The following IL1RAPL1 variants were observed in gnomAD, a reference collection of about 807,000 sequenced individuals.
The protein encoded by IL1RAPL1 is interleukin 1 receptor accessory protein like 1.
Under a neutral mutation model 48.4 loss-of-function variants are expected in IL1RAPL1, and 3 were observed. The ratio of observed to expected loss-of-function variants is 0.06; its 90% CI spans 0.03 to 0.16. The LOEUF is 0.16. Among genes scored for constraint, IL1RAPL1 ranks in the 10% least tolerant of loss-of-function variants. The pLI is 1.00. For synonymous variants in IL1RAPL1, 185 were observed against 187.7 expected (o/e 0.99, Z 0.12); for missense variants, 349 against 530.6 (o/e 0.66, Z 3.36).
intron 1 of IL1RAPL1, among the ~76,000 whole-genome samples, chrX:28,678,383 G>A (rs1935023067): frequency 9.0e-6 from 1 of 111,102 alleles, no homozygotes; most frequent in African/African-American, 3.3e-5. Context: ...TTGGCCCCTG[G>A]AATTTTAAGG....
At chrX:29,755,944 A>G (rs772421797) in intron 6 of IL1RAPL1, among the ~76,000 whole-genome samples, 13 of 112,351 alleles carry the variant, frequency 1.2e-4, no homozygotes, top group African/African-American at 4.2e-4. Context: ...AATGGGATCA[A>G]ATCCCACTTC....
chrX:28,713,372 C>T (rs892861813), intron 1 of IL1RAPL1, among the ~76,000 whole-genome samples: 18 of 111,188 alleles, frequency 1.6e-4, no homozygotes, highest in African/African-American at 4.6e-4. Flanking sequence ...TATTTTTTAC[C>T]GGACTTTTAA....
intron 6 of IL1RAPL1, among the ~76,000 whole-genome samples, chrX:29,888,889 G>A (rs1932220435): frequency 9.0e-6 from 1 of 111,451 alleles, no homozygotes; most frequent in Admixed American, 9.5e-5. Context: ...AGTAAATAAA[G>A]GTGTCTATGT....
intron 2 of IL1RAPL1, among the ~76,000 whole-genome samples, chrX:29,088,672 C>CA (rs1182451817): frequency 0.045 from 1,459 of 32,437 alleles, 49 homozygotes; most frequent in African/African-American, 0.084. Flanking sequence ...CACTCCTTCT[C>CA]AAAAAAAAAA....
Position 29,399,286 on chromosome X carries a change from A to G in IL1RAPL1, c.681A>G (p.Arg227=). The change falls in exon 5 of 11, where the codon AGA becomes AGG. Residue 227 remains arginine, a synonymous_variant. Coordinates refer to ENST00000378993, the MANE Select transcript of IL1RAPL1 (RefSeq NM_014271.4). ...AATATGGAGGCTTTGTTGTGAGAAG[A>G]ACTACTGAATTAACTGTTACAGGTA... is the stretch of plus-strand genomic sequence containing the variant. ...ELKYGGFVVR[R]TTELTVTAPL... The G allele has an allele frequency of 8.3e-7, 1 of 1,206,092 alleles. No individual in the cohort carries two copies. The highest frequency in any genetic ancestry group is 1.8e-5 in the South Asian group (1 of 56,796).
intron 8 of IL1RAPL1, among the ~76,000 whole-genome samples, chrX:29,938,324 T>C (rs937120094): frequency 7.1e-5 from 8 of 112,240 alleles, no homozygotes; most frequent in Non-Finnish European, 1.1e-4. Context: ...GATCAGATTA[T>C]ATTTCAGGCA....
At chrX:29,125,496 G>C (rs1928880252) in intron 2 of IL1RAPL1, among the ~76,000 whole-genome samples, 1 of 112,134 alleles carries the variant, frequency 8.9e-6, no homozygotes, top group South Asian at 3.7e-4. Flanking sequence ...GGAAACTGCA[G>C]ATGATAAGGG....
At chrX:29,034,939 C>T (rs1926699019) in intron 2 of IL1RAPL1, among the ~76,000 whole-genome samples, 1 of 109,124 alleles carries the variant, frequency 9.2e-6, no homozygotes, top group Middle Eastern at 4.6e-3. Context: ...ACTGCAAGCT[C>T]TGCCTCCTGG....
rs888140711 is a variant in IL1RAPL1 at position 29,120,540 on chromosome X, T to C, written c.83-162398T>C. ...TGGTACCATGCTGTTTTGGTTACTGTAGCCTTGTAGTATAGTTTGAAGTTA... is the reference window on the plus strand; with the variant it reads ...TGGTACCATGCTGTTTTGGTTACTGCAGCCTTGTAGTATAGTTTGAAGTTA... On this transcript the variant is annotated intron_variant, in intron 2 of 10. Transcript: ENST00000378993. Among the ~76,000 whole-genome samples the C allele has an allele frequency of 2.7e-5, 3 of 112,047 alleles. No homozygotes were observed. The South Asian group carries it at 1.1e-3, about 41-fold the overall frequency.
chrX:28,648,999 G>C (rs1046515374), intron 1 of IL1RAPL1, among the ~76,000 whole-genome samples: 6 of 111,768 alleles, frequency 5.4e-5, no homozygotes, highest in African/African-American at 1.9e-4. Flanking sequence ...CACATAATAA[G>C]AGCTTAAGTA....
intron 6 of IL1RAPL1, among the ~76,000 whole-genome samples, chrX:29,704,965 A>G (rs1358164415): frequency 9.0e-6 from 1 of 111,272 alleles, no homozygotes; most frequent in Non-Finnish European, 1.9e-5. Context: ...CAGTTTTATT[A>G]CATGGATATA....
At chrX:29,250,851 C>A (rs1602135029) in intron 2 of IL1RAPL1, among the ~76,000 whole-genome samples, 1 of 111,591 alleles carries the variant, frequency 9.0e-6, no homozygotes, top group Admixed American at 9.6e-5. Flanking sequence ...TCCCATCAGA[C>A]AAAACAAGCC....
intron 1 of IL1RAPL1, among the ~76,000 whole-genome samples, chrX:28,663,115 C>T (rs770485381): frequency 1.8e-5 from 2 of 111,708 alleles, no homozygotes; most frequent in South Asian, 7.6e-4. Flanking sequence ...AAGCAAATTC[C>T]AATTGAAAGG....
intron 6 of IL1RAPL1, among the ~76,000 whole-genome samples, chrX:29,772,210 C>A (rs1208140006): frequency 9.4e-6 from 1 of 106,421 alleles, no homozygotes; most frequent in Non-Finnish European, 1.9e-5. Context: ...CTGATTGCAC[C>A]ACTGCACTCT....
chrX:29,407,194 C>A (rs1019254213), intron 5 of IL1RAPL1, among the ~76,000 whole-genome samples: 4 of 111,385 alleles, frequency 3.6e-5, no homozygotes, highest in African/African-American at 1.3e-4. Context: ...ATACTGTAGG[C>A]CCCATAGAAG....
intron 1 of IL1RAPL1, among the ~76,000 whole-genome samples, chrX:28,786,990 A>G (rs1229575805): frequency 1.8e-5 from 2 of 112,135 alleles, no homozygotes; most frequent in Non-Finnish European, 3.8e-5. Flanking sequence ...AGAAGTTTGT[A>G]AAGATTATTA....
intron 5 of IL1RAPL1, among the ~76,000 whole-genome samples, chrX:29,509,265 C>CTTT (rs1935368579): frequency 8.9e-6 from 1 of 112,033 alleles, no homozygotes; most frequent in Non-Finnish European, 1.9e-5. Flanking sequence ...CTCAGCTCTG[C>CTTT]TCTTAAGCCC....
At chrX:29,033,558 T>C (rs1457017548) in intron 2 of IL1RAPL1, among the ~76,000 whole-genome samples, 2 of 110,868 alleles carry the variant, frequency 1.8e-5, no homozygotes, top group African/African-American at 3.3e-5. Context: ...CAACTCAAAG[T>C]CTTTGAATGA....
chrX:29,877,964 CCA>C (rs1451929692), intron 6 of IL1RAPL1, among the ~76,000 whole-genome samples: 2 of 111,484 alleles, frequency 1.8e-5, no homozygotes, highest in African/African-American at 6.5e-5. Flanking sequence ...ATCAATGTAC[CCA>C]CAGTGTTTAC....
Sources: gnomAD v4.1 joint callset for allele counts (sites outside exome capture counted in the v4.1 genomes callset) on GRCh38, gnomAD v4.1.1 for gene constraint, MANE v1.5 for transcripts, NCBI Gene and HGNC (gene_info 2026-07-23, HGNC 2026-07-21) for gene names.